The following PLXNB1 variants were observed in gnomAD, a reference collection of about 807,000 sequenced individuals.
The protein encoded by PLXNB1 is plexin B1.
PLXNB1 carries 106 observed loss-of-function variants against 209.4 expected under a neutral mutation model. The observed-to-expected ratio is 0.51, with a 90% CI of 0.43 to 0.59. The LOEUF (loss-of-function observed/expected upper bound fraction) is 0.59, where lower values mean the gene tolerates loss of function less well. PLXNB1 is among the 20% of genes least tolerant of loss of function. The probability of loss-of-function intolerance (pLI) is 0.00; values close to 1 mark genes in which losing one functional copy is unlikely to be tolerated. For missense variants in PLXNB1, 2,357 were observed against 2,853.2 expected, an observed-to-expected ratio of 0.83 and a Z score of 3.96; for synonymous variants, 1,167 against 1,183.2, an observed-to-expected ratio of 0.99 and a Z score of 0.28.
rs2037624515 is a variant in PLXNB1 at position 48,410,720 on chromosome 3, T to C, written c.5416+148A>G. 1 of 950,850 alleles carries C rather than the reference T, an allele frequency of 1.1e-6. No individual in the cohort carries two copies. Among genetic ancestry groups the C allele is most frequent in the Non-Finnish European group, 1.6e-6 (1 of 633,118 alleles). 58.9% of individuals were successfully genotyped at this position (950,850 alleles called of 1,614,324 possible). On this transcript the variant is annotated intron_variant, in intron 29 of 37. Transcript: ENST00000296440. This position sits in a 1 kb window ranked among gnomAD's most constrained non-coding sequence, Gnocchi z 6.4. ...GGGACCCCCTCCCCAGATGAGAGGCTGTCCAAGAAAGATGTTCCAAAGCCA... is the reference window on the plus strand; with the variant it reads ...GGGACCCCCTCCCCAGATGAGAGGCCGTCCAAGAAAGATGTTCCAAAGCCA...
In PLXNB1 at chr3:48,416,503, A is replaced by G. The variant is rs1283193473; in HGVS notation, c.3375-52T>C. 7 of 1,284,186 alleles carry G rather than the reference A, an allele frequency of 5.5e-6. No individual in the cohort carries two copies. Among genetic ancestry groups the G allele is most frequent in the African/African-American group, 1.5e-5 (1 of 68,164 alleles). 79.5% of individuals were successfully genotyped at this position (1,284,186 alleles called of 1,614,324 possible). On this transcript the variant is annotated intron_variant, in intron 16 of 37. Coordinates refer to ENST00000296440, the MANE Select transcript of PLXNB1 (RefSeq NM_001130082.3). This position sits in a 1 kb window ranked among gnomAD's most constrained non-coding sequence, Gnocchi z 4.1. ...TGCCAGGCTGCATCAAGGGCCCCTCAAGCTTACCTGGCAGCCCCTCTCCCT... is the reference window on the plus strand; with the variant it reads ...TGCCAGGCTGCATCAAGGGCCCCTCGAGCTTACCTGGCAGCCCCTCTCCCT...
Position 48,424,390 on chromosome 3 carries a change from T to C in PLXNB1, c.222A>G (p.Leu74=). Residue 74 remains leucine, a synonymous_variant, in exon 3 of 38, where the codon CTA becomes CTG. Transcript: ENST00000296440. ...LEATVSTGPV[L]DSRDCLPPVM... ...CAGGTGGCAGGCAGTCCCTGCTGTCTAGCACAGGGCCGGTGGACACTGTGG... is the reference window on the plus strand; with the variant it reads ...CAGGTGGCAGGCAGTCCCTGCTGTCCAGCACAGGGCCGGTGGACACTGTGG... 2 of 1,558,628 alleles carry C rather than the reference T, an allele frequency of 1.3e-6. No homozygotes were observed. The highest frequency in any genetic ancestry group is 2.4e-5 in the South Asian group (2 of 84,742).
At position 48,406,641 on chromosome 3, in the gene PLXNB1, T is replaced by C. The variant is rs2037329460; in HGVS notation, c.6228+182A>G. On this transcript the variant is annotated intron_variant, in intron 36 of 37. Transcript: ENST00000296440. The surrounding 1 kb of genome is among the most constrained non-coding windows in gnomAD (Gnocchi z 4.4). Reference sequence around the variant, plus strand: ...GACCCCTGCTTGCTCTGTGATGAGATGGTGGGAGCCCTGGTCTTTCAGTGG... The same window carrying C: ...GACCCCTGCTTGCTCTGTGATGAGACGGTGGGAGCCCTGGTCTTTCAGTGG... 1.4e-6 allele frequency: 2 copies of C among 1,418,842 alleles called. No individual in the cohort carries two copies. The highest frequency in any genetic ancestry group is 1.5e-5 in the South Asian group (1 of 65,588). The allele number at this position is 1,418,842 out of a possible 1,614,324, so 87.9% of individuals were successfully genotyped here.
Position 48,420,249 on chromosome 3 carries a change from A to C in PLXNB1, c.2037T>G (p.Leu679=). ...CTCTTGCAGGAGGGTCTGGGGAGAC[A>C]AGCGGGCTCTGAAGGGGGAGGCAGA... ...GPMVASHQSP[L]VSPDPPARGG... is the part of the protein sequence containing the mutation. Residue 679 remains leucine, a synonymous_variant, in exon 11 of 38, where the codon CTT becomes CTG. Transcript: ENST00000296440. 2 of 1,543,078 alleles carry C rather than the reference A, an allele frequency of 1.3e-6. No homozygotes were observed. Among genetic ancestry groups the C allele is most frequent in the Non-Finnish European group, 1.7e-6 (2 of 1,143,550 alleles).
At position 48,418,603 on chromosome 3, in the gene PLXNB1, G is replaced by A. The variant is rs575495659; in HGVS notation, c.2956-61C>T. 7.1e-7 allele frequency: 1 copy of A among 1,418,102 alleles called. No homozygotes were observed. Among genetic ancestry groups the A allele is most frequent in the East Asian group, 2.5e-5 (1 of 40,340 alleles). 87.8% of individuals were successfully genotyped at this position (1,418,102 alleles called of 1,614,324 possible). A position where few individuals can be genotyped will look rare whatever the true frequency, so the allele number is the denominator to read the frequency against. On this transcript the variant is annotated intron_variant, in intron 13 of 37. Transcript: ENST00000296440. This position sits in a 1 kb window ranked among gnomAD's most constrained non-coding sequence, Gnocchi z 6.6. ...GGGGGAAGTGTCAGGCCTGGGGAGG[G>A]GTTAGTCAGAGAAAGGACTAAAACG... is the stretch of plus-strand genomic sequence containing the variant.
At chr3:48,414,641 C>G (rs1410847734) in intron 21 of PLXNB1, among the ~76,000 whole-genome samples, 158 bp downstream of exon 21, 1 of 152,210 alleles carries the variant, frequency 6.6e-6, no homozygotes, top group African/African-American at 2.4e-5. Context: ...CTAGGCACCC[C>G]CCACCAGCCC....
At position 48,423,823 on chromosome 3, in the gene PLXNB1, C is replaced by T. The variant is rs1441803569; in HGVS notation, c.789G>A (p.Glu263=). 2 of 1,613,918 alleles carry T rather than the reference C, an allele frequency of 1.2e-6. No homozygotes were observed. The highest frequency in any genetic ancestry group is 8.5e-7 in the Non-Finnish European group (1 of 1,180,026). The change falls in exon 3 of 38, where the codon GAG becomes GAA. Residue 263 remains glutamate, a synonymous_variant. Transcript: ENST00000296440. The part of the protein sequence containing the change: ...LRDQHYYSYV[E]LPLACEGGRY... The stretch of plus-strand genomic sequence containing the variant: ...GGCCACCTTCGCAGGCCAGAGGCAA[C>T]TCCACATAGGAGTAGTAGTGCTGGT...
chr3:48,421,043 A>C (rs914656888), intron 8 of PLXNB1, 87 bp from the exon 9 acceptor site: 1 of 1,329,590 alleles, frequency 7.5e-7, no homozygotes, highest in South Asian at 1.2e-5. Context: ...TGAATGGGGA[A>C]GAGGACCCGG....
rs1444062892 is a variant in PLXNB1, at chr3:48,421,857, T to C, written c.1521-51A>G. 11 of 1,568,130 alleles carry C rather than the reference T, an allele frequency of 7.0e-6. No homozygotes were observed. The South Asian group carries it at 1.3e-4, about 18-fold the overall frequency. On this transcript the variant is annotated intron_variant, in intron 6 of 37. Coordinates refer to ENST00000296440, the MANE Select transcript of PLXNB1 (RefSeq NM_001130082.3). ...TGTGACCCTCATGGGCCACTGGGAG[T>C]TCATAGGGTAGGGACTCCTACAATC...
chr3:48,410,122 TC>T lies in PLXNB1; in HGVS notation c.5606-46del, dbSNP rs1289861336. 2.0e-6 allele frequency: 3 copies of T among 1,529,632 alleles called. No individual in the cohort carries two copies. The highest frequency in any genetic ancestry group is 2.6e-6 in the Non-Finnish European group (3 of 1,133,722). The allele number at this position is 1,529,632 out of a possible 1,614,324, so 94.8% of individuals were successfully genotyped here. A position where few individuals can be genotyped will look rare whatever the true frequency, so the allele number is the denominator to read the frequency against. ...CTGTCACCCCTCCCCAGGTGCCACCTCCCCAGGCCCCCTGTTTCTTGCCAGC... is the reference window on the plus strand; with the variant it reads ...CTGTCACCCCTCCCCAGGTGCCACCTCCCAGGCCCCCTGTTTCTTGCCAGC... On this transcript the variant is annotated intron_variant, in intron 31 of 37. Coordinates refer to ENST00000296440, the MANE Select transcript of PLXNB1 (RefSeq NM_001130082.3). The surrounding 1 kb of genome is among the most constrained non-coding windows in gnomAD (Gnocchi z 6.4).
In PLXNB1 at chr3:48,412,508, AG is replaced by A. The variant is rs2037757524; in HGVS notation, c.4966del (p.Leu1656SerfsTer19). The A allele has an allele frequency of 1.2e-6, 2 of 1,613,560 alleles. No individual in the cohort carries two copies. Among genetic ancestry groups the A allele is most frequent in the Admixed American group, 1.7e-5 (1 of 60,012 alleles). On this transcript the variant is annotated frameshift_variant, in exon 26 of 38. Coordinates refer to ENST00000296440, the MANE Select transcript of PLXNB1 (RefSeq NM_001130082.3). LOFTEE classifies it high-confidence loss of function. The part of the protein sequence containing the change: ...HGKLEYFTDI[L>X]RTLLSDLVAQ... ...AACCAGGTCACTGAGCAGAGTGCGG[AG>A]GATGTCAGTGAAATACTCAAGCTTC... is the stretch of plus-strand genomic sequence containing the variant.
chr3:48,413,206 G>A lies in PLXNB1; in HGVS notation c.4536-37C>T, dbSNP rs1355293887. On this transcript the variant is annotated intron_variant, in intron 23 of 37. Coordinates refer to ENST00000296440, the MANE Select transcript of PLXNB1 (RefSeq NM_001130082.3). The surrounding 1 kb of genome is among the most constrained non-coding windows in gnomAD (Gnocchi z 5.4). ...CAGGGTCAGGAGAGGATGGCCAGAT[G>A]AGTCCTACTCGCCCAGGCCTGCCTG... 9 of 1,521,716 alleles carry A rather than the reference G, an allele frequency of 5.9e-6. No individual in the cohort carries two copies. The highest frequency in any genetic ancestry group is 7.2e-6 in the Non-Finnish European group (8 of 1,104,230). The allele number at this position is 1,521,716 out of a possible 1,614,324, so 94.3% of individuals were successfully genotyped here.
chr3:48,415,730 C>T lies in PLXNB1; in HGVS notation c.3647G>A (p.Arg1216Gln), dbSNP rs771028218. The change falls in exon 19 of 38, where the codon CGG becomes CAG. Residue 1216 changes from arginine (R) to glutamine (Q), a missense_variant. Around this residue, in one of 7 missense-constraint regions of PLXNB1, gnomAD observed 743 missense variants for 896.2 expected, o/e 0.83. Coordinates refer to ENST00000296440, the MANE Select transcript of PLXNB1 (RefSeq NM_001130082.3). The surrounding 1 kb of genome is among the most constrained non-coding windows in gnomAD (Gnocchi z 5.0). ...CGTGGGGCGTGGGCTGGTCTCACAC[C>T]GCAGTTGTTCTGACTGCTGCTCCGG... ...LLPEQQSEQL[R>Q]CETSPRPTPA... The T allele has an allele frequency of 1.1e-5, 17 of 1,549,614 alleles. No homozygotes were observed. Among genetic ancestry groups the T allele is most frequent in the East Asian group, 4.9e-5 (2 of 40,978 alleles).
chr3:48,405,719 C>T lies in PLXNB1; in HGVS notation c.6303+5G>A. 1.2e-6 allele frequency: 2 copies of T among 1,611,816 alleles called. No individual in the cohort carries two copies. Among genetic ancestry groups the T allele is most frequent in the Non-Finnish European group, 1.7e-6 (2 of 1,178,540 alleles). ...CCTCCCAGTCGGGGTCCAGGGCCTG[C>T]CCACCTGGTCATAGTACTTGTTGAT... On this transcript the variant is annotated splice_donor_5th_base_variant and intron_variant, in intron 37 of 37. Transcript: ENST00000296440. The surrounding 1 kb of genome is among the most constrained non-coding windows in gnomAD (Gnocchi z 5.0).
rs1326621490 is a variant in PLXNB1 at position 48,405,714 on chromosome 3, GC to G, written c.6303+9del. ...GTCAGCCTCCCAGTCGGGGTCCAGGGCCTGCCCACCTGGTCATAGTACTTGT... is the reference window on the plus strand; with the variant it reads ...GTCAGCCTCCCAGTCGGGGTCCAGGGCTGCCCACCTGGTCATAGTACTTGT... On this transcript the variant is annotated intron_variant, in intron 37 of 37. Transcript: ENST00000296440. This position sits in a 1 kb window ranked among gnomAD's most constrained non-coding sequence, Gnocchi z 5.0. The G allele has an allele frequency of 1.2e-6, 2 of 1,610,336 alleles. No individual in the cohort carries two copies. The highest frequency in any genetic ancestry group is 2.7e-5 in the African/African-American group (2 of 74,860).
rs1312886256 is a variant in PLXNB1, at chr3:48,420,052, A to G, written c.2234T>C (p.Ile745Thr). Reference sequence around the variant, plus strand: ...CGACCCTGTGGAGCCAGGGGAAGATATGGAGCCAGAACCTGCCCATGGCCC... The same window carrying G: ...CGACCCTGTGGAGCCAGGGGAAGATGTGGAGCCAGAACCTGCCCATGGCCC... ...PWGPWAGSGS[I>T]SSPGSTGSPL... is the part of the protein sequence containing the mutation. Residue 745 changes from isoleucine to threonine, a missense_variant, in exon 11 of 38, where the codon ATA becomes ACA. Coordinates refer to ENST00000296440, the MANE Select transcript of PLXNB1 (RefSeq NM_001130082.3). 1 of 1,612,444 alleles carries G rather than the reference A, an allele frequency of 6.2e-7. No homozygotes were observed. The highest frequency in any genetic ancestry group is 2.2e-5 in the East Asian group (1 of 44,838).
At position 48,422,833 on chromosome 3, in the gene PLXNB1, C is replaced by T. The variant is rs2038622126; in HGVS notation, c.1222G>A (p.Val408Met). The part of the protein sequence containing the change: ...LEWPGIQLTA[V>M]AVTMEDGHTI... ...TGTCCATCTTCCATGGTGACTGCCACAGCTGTTAGCTGAATCCCTGGCCAC... is the reference window on the plus strand; with the variant it reads ...TGTCCATCTTCCATGGTGACTGCCATAGCTGTTAGCTGAATCCCTGGCCAC... The change falls in exon 4 of 38, where the codon GTG becomes ATG. Residue 408 changes from valine to methionine, a missense_variant. By Grantham distance (21) the Val-to-Met change is conservative. Around this residue, in one of 7 missense-constraint regions of PLXNB1, gnomAD observed 404 missense variants for 443.6 expected, o/e 0.91. Coordinates refer to ENST00000296440, the MANE Select transcript of PLXNB1 (RefSeq NM_001130082.3). 1 of 1,614,162 alleles carries T rather than the reference C, an allele frequency of 6.2e-7. No homozygotes were observed. The highest frequency in any genetic ancestry group is 8.5e-7 in the Non-Finnish European group (1 of 1,179,998).
chr3:48,415,126 G>T lies in PLXNB1; in HGVS notation c.3966+50C>A. The stretch of plus-strand genomic sequence containing the variant: ...GGCACCTGCTCTGGCTGTCCCCAGG[G>T]TGTGGTATGGGGCAAGGGGAGAGTG... On this transcript the variant is annotated intron_variant, in intron 20 of 37. Coordinates refer to ENST00000296440, the MANE Select transcript of PLXNB1 (RefSeq NM_001130082.3). This position sits in a 1 kb window ranked among gnomAD's most constrained non-coding sequence, Gnocchi z 5.0. 3.7e-6 allele frequency: 6 copies of T among 1,606,574 alleles called. No individual in the cohort carries two copies. The highest frequency in any genetic ancestry group is 5.1e-6 in the Non-Finnish European group (6 of 1,174,408).
In PLXNB1 at chr3:48,416,157, A is replaced by G. The variant is rs1393089729; in HGVS notation, c.3491T>C (p.Val1164Ala). The G allele has an allele frequency of 1.3e-6, 2 of 1,599,006 alleles. No individual in the cohort carries two copies. Among genetic ancestry groups the G allele is most frequent in the Non-Finnish European group, 1.7e-6 (2 of 1,173,158 alleles). Reference sequence around the variant, plus strand: ...GCCGCGGGCCGGGAAGATGGAATGGACCTTCGGATCCTGTGGGACAGACAG... The same window carrying G: ...GCCGCGGGCCGGGAAGATGGAATGGGCCTTCGGATCCTGTGGGACAGACAG... ...EHDFAYQDPK[V>A]HSIFPARGPR... The change falls in exon 18 of 38, where the codon GTC becomes GCC. Residue 1164 changes from valine (V) to alanine (A), a missense_variant. Coordinates refer to ENST00000296440, the MANE Select transcript of PLXNB1 (RefSeq NM_001130082.3). The surrounding 1 kb of genome is among the most constrained non-coding windows in gnomAD (Gnocchi z 4.1).
Sources: allele counts gnomAD v4.1 joint callset (sites outside exome capture counted in the v4.1 genomes callset), GRCh38; gene constraint gnomAD v4.1.1; regional missense constraint gnomAD v4.1.1; non-coding constraint Gnocchi (gnomAD v3.1); transcripts MANE v1.5; gene names NCBI Gene and HGNC (gene_info 2026-07-23, HGNC 2026-07-21).